Variants in ANKRD44 observed in about 807,000 individuals in gnomAD.
The protein encoded by ANKRD44 is ankyrin repeat domain 44, also known as serine/threonine-protein phosphatase 6 regulatory ankyrin repeat subunit B.
Under a neutral mutation model 116.0 loss-of-function variants are expected in ANKRD44, and 35 were observed. The observed-to-expected ratio is 0.30, with a 90% CI of 0.23 to 0.40. ANKRD44 has a LOEUF of 0.40. Ranked by LOEUF, ANKRD44 falls within the 10% of genes least tolerant of loss-of-function variation. The pLI is 1.00. For missense variants in ANKRD44, 1,014 were observed against 1,242.6 expected (o/e 0.82, Z 2.77); for synonymous variants, 435 against 461.8 (o/e 0.94, Z 0.74).
intron 9 of ANKRD44, 43 bp from the exon 10 acceptor site, chr2:197,099,973 T>C (rs901229153): frequency 3.2e-6 from 5 of 1,570,140 alleles, no homozygotes; most frequent in Non-Finnish European, 4.4e-6. Flanking sequence ...AGGATTCAGG[T>C]TGATTCAGGT....
intron 2 of ANKRD44, among the ~76,000 whole-genome samples, chr2:197,150,893 A>G (rs1173781399): frequency 6.6e-6 from 1 of 152,074 alleles, no homozygotes; most frequent in Non-Finnish European, 1.5e-5. Context: ...AAGACTCCTG[A>G]GGTGAAATAG....
intron 1 of ANKRD44, among the ~76,000 whole-genome samples, chr2:197,284,503 AAC>A (rs10547024): frequency 0.045 from 6,147 of 137,656 alleles, 344 homozygotes; most frequent in African/African-American, 0.13. Flanking sequence ...CAGAGAGTCA[AAC>A]ACACACACAC....
rs906453832 is a variant in ANKRD44, at chr2:197,212,425, C to T, written c.28-25319G>A. Among the ~76,000 whole-genome samples the T allele has an allele frequency of 6.6e-6, 1 of 152,122 alleles. No individual in the cohort carries two copies. The highest frequency in any genetic ancestry group is 1.5e-5 in the Non-Finnish European group (1 of 68,022). On this transcript the variant is annotated intron_variant, in intron 1 of 27. Coordinates refer to ENST00000282272, the MANE Select transcript of ANKRD44 (RefSeq NM_001195144.2). This position sits in a 1 kb window ranked among gnomAD's most constrained non-coding sequence, Gnocchi z 4.8. ...GTATTTAATGGTTATCTAGTCAGTC[C>T]ATTGTTGCCTAGACAAAGGCAAATT...
intron 2 of ANKRD44, among the ~76,000 whole-genome samples, chr2:197,182,649 C>T (rs970227440): frequency 1.3e-5 from 2 of 150,676 alleles, no homozygotes; most frequent in African/African-American, 2.4e-5. Flanking sequence ...GTTCCAGGAC[C>T]CCCACATACA....
rs191175905 is a variant in ANKRD44, at chr2:197,152,505, A to G, written c.112-5400T>C. ...AGAAGGAAGGATGGTAAACCCTCCC[A>G]TTCTACGAATAGCCAAAGATACACA... On this transcript the variant is annotated intron_variant, in intron 2 of 27. Coordinates refer to ENST00000282272, the MANE Select transcript of ANKRD44 (RefSeq NM_001195144.2). Among the ~76,000 whole-genome samples the G allele has an allele frequency of 1.1e-3, 161 of 152,342 alleles. 1 individual carries two copies. The highest frequency in any genetic ancestry group is 2.5e-3 in the Admixed American group (39 of 15,304).
chr2:197,164,270 G>C (rs896972303), intron 2 of ANKRD44, among the ~76,000 whole-genome samples: 2 of 152,322 alleles, frequency 1.3e-5, no homozygotes, highest in Admixed American at 6.5e-5. Context: ...GGCTGCGTCT[G>C]GGTAGCAAGA....
chr2:197,163,752 C>G (rs1056769200), intron 2 of ANKRD44, among the ~76,000 whole-genome samples: 1 of 152,010 alleles, frequency 6.6e-6, no homozygotes, highest in African/African-American at 2.4e-5. Context: ...CTCAGGCTCC[C>G]GAGTAGCTGG....
At chr2:197,048,274 T>C (rs977674221) in intron 16 of ANKRD44, among the ~76,000 whole-genome samples, 1 of 152,168 alleles carries the variant, frequency 6.6e-6, no homozygotes, top group Non-Finnish European at 1.5e-5. Context: ...TATGCCATGT[T>C]GGTTTGCTGC....
intron 3 of ANKRD44, among the ~76,000 whole-genome samples, chr2:197,142,979 A>G (rs1339350522): frequency 6.6e-6 from 1 of 151,192 alleles, no homozygotes; most frequent in African/African-American, 2.4e-5. Context: ...ATCTTAAAAA[A>G]GAAAAAAAAA....
chr2:197,092,712 C>CA (rs926360654), intron 10 of ANKRD44, among the ~76,000 whole-genome samples: 10 of 151,246 alleles, frequency 6.6e-5, no homozygotes, highest in African/African-American at 1.9e-4. Context: ...CATCATTTAC[C>CA]AAAAAAAAAT....
chr2:196,990,291 G>C, intron 27 of ANKRD44: 2 of 989,768 alleles, frequency 2.0e-6, no homozygotes, highest in South Asian at 9.4e-5. Context: ...CCTCCCAGGG[G>C]ACATGAATGT....
chr2:197,099,826 C>T lies in ANKRD44; in HGVS notation c.1090G>A (p.Asp364Asn). The T allele has an allele frequency of 6.2e-7, 1 of 1,613,954 alleles. No individual in the cohort carries two copies. The highest frequency in any genetic ancestry group is 8.5e-7 in the Non-Finnish European group (1 of 1,179,944). Residue 364 changes from aspartate (D) to asparagine (N), a missense_variant, in exon 10 of 28, where the codon GAC (aspartate) becomes AAC (asparagine). Coordinates refer to ENST00000282272, the MANE Select transcript of ANKRD44 (RefSeq NM_001195144.2). ...TTTGCGGTAACCTACTTGGCTGTGT[C>T]AGCTCCGCTGGTTATTAAGGTGTTA... ...LINTLITSGA[D>N]TAKCGIHSMF...
intron 4 of ANKRD44, among the ~76,000 whole-genome samples, chr2:197,133,268 T>A (rs1165590393): frequency 1.3e-5 from 2 of 152,224 alleles, no homozygotes; most frequent in Non-Finnish European, 2.9e-5. Flanking sequence ...TTGGAGGCAG[T>A]GTTAGACAGA....
intron 1 of ANKRD44, among the ~76,000 whole-genome samples, chr2:197,231,814 T>C (rs2081871128): frequency 6.6e-6 from 1 of 152,160 alleles, no homozygotes; most frequent in Admixed American, 6.5e-5. Flanking sequence ...CTTCCATTCA[T>C]GGGCCATTTT....
chr2:197,263,284 C>A, intron 1 of ANKRD44: 1 of 630,126 alleles, frequency 1.6e-6, no homozygotes, highest in Non-Finnish European at 2.9e-6. Flanking sequence ...CTGGCCGCAG[C>A]TTGGAAAGCA....
At chr2:197,142,232 G>A (rs2079385069) in intron 3 of ANKRD44, among the ~76,000 whole-genome samples, 1 of 152,160 alleles carries the variant, frequency 6.6e-6, no homozygotes, top group Admixed American at 6.5e-5. Flanking sequence ...CAATATTTCT[G>A]TTCTGTAAGC....
At chr2:197,150,852 C>A (rs960504598) in intron 2 of ANKRD44, among the ~76,000 whole-genome samples, 3 of 151,942 alleles carry the variant, frequency 2.0e-5, no homozygotes, top group African/African-American at 7.3e-5. Flanking sequence ...GACCTCCAAG[C>A]AAAGAAAGAC....
chr2:197,260,198 AG>A (rs2082560821), intron 1 of ANKRD44, among the ~76,000 whole-genome samples: 1 of 151,452 alleles, frequency 6.6e-6, no homozygotes, highest in Non-Finnish European at 1.5e-5. Flanking sequence ...CTCGTCATTT[AG>A]CATTAGGTAT....
At chr2:197,226,090 C>T (rs1467913739) in intron 1 of ANKRD44, among the ~76,000 whole-genome samples, 1 of 152,110 alleles carries the variant, frequency 6.6e-6, no homozygotes, top group Non-Finnish European at 1.5e-5. Context: ...TCCTGTCTTC[C>T]AAGACAAAAA....
Sources: gnomAD v4.1 joint callset for allele counts (sites outside exome capture counted in the v4.1 genomes callset) on GRCh38, gnomAD v4.1.1 for gene constraint, Gnocchi (gnomAD v3.1) non-coding constraint, MANE v1.5 for transcripts, NCBI Gene and HGNC (gene_info 2026-07-23, HGNC 2026-07-21) for gene names.